Variants in GPR157 observed in about 807,000 individuals in gnomAD.
The protein encoded by GPR157 is G-protein coupled receptor 157.
A neutral mutation model predicts 23.5 loss-of-function variants in GPR157; 16 were observed. The ratio of observed to expected loss-of-function variants is 0.68; its 90% CI spans 0.46 to 1.04. The LOEUF (loss-of-function observed/expected upper bound fraction) is 1.04. GPR157 is among the 50% of genes least tolerant of loss of function. The pLI is 0.00. For synonymous variants in GPR157, 200 were observed against 221.5 expected, an observed-to-expected ratio of 0.90 and a Z score of 0.86; for missense variants, 440 against 460.7, an observed-to-expected ratio of 0.96 and a Z score of 0.41.
chr1:9,117,745 G>C (rs1217021940), intron 1 of GPR157, among the ~76,000 whole-genome samples: 1 of 152,118 alleles, frequency 6.6e-6, no homozygotes, highest in African/African-American at 2.4e-5. Flanking sequence ...CTGGGCGACA[G>C]AGTGGGACTC....
intron 1 of GPR157, among the ~76,000 whole-genome samples, chr1:9,123,246 T>A (rs372274670): frequency 1.6e-4 from 2 of 12,634 alleles, no homozygotes; most frequent in Non-Finnish European, 2.5e-4. Flanking sequence ...ATATATTAAT[T>A]TAAATATATA....
rs1259726872 is a variant in GPR157, at chr1:9,104,393, T to C, written c.*26A>G. ...CCTACCCCCAGGAAGGCAGCACCTA[T>C]GCACAGAACTAGAAAGGACAAAAGC... On this transcript the variant is annotated 3_prime_UTR_variant, in exon 4 of 4. Transcript: ENST00000377411. The C allele has an allele frequency of 3.2e-6, 5 of 1,581,442 alleles. No homozygotes were observed. The African/African-American group carries it at 6.7e-5, about 21-fold the overall frequency.
intron 1 of GPR157, among the ~76,000 whole-genome samples, chr1:9,112,193 CA>C (rs905614196): frequency 6.6e-6 from 1 of 152,184 alleles, no homozygotes; most frequent in Non-Finnish European, 1.5e-5. Context: ...GCAAATGTGC[CA>C]CAAACAATCA....
In GPR157 at chr1:9,104,193, G is replaced by GC. The variant is rs1642604903; in HGVS notation, c.*225dup. 3 of 553,928 alleles carry GC rather than the reference G, an allele frequency of 5.4e-6. No homozygotes were observed. The highest frequency in any genetic ancestry group is 9.7e-6 in the Non-Finnish European group (3 of 307,872). The allele number at this position is 553,928 out of a possible 1,614,324, so 34.3% of individuals were successfully genotyped here. A position where few individuals can be genotyped will look rare whatever the true frequency, so the allele number is the denominator to read the frequency against. ...CACTGCTACCCTTATGCAGATGAACGCCCACCCGTGGGCCAGGACGCTGGT... is the reference window on the plus strand; with the variant it reads ...CACTGCTACCCTTATGCAGATGAACGCCCCACCCGTGGGCCAGGACGCTGGT... On this transcript the variant is annotated 3_prime_UTR_variant, in exon 4 of 4. Transcript: ENST00000377411.
At position 9,128,663 on chromosome 1, in the gene GPR157, C is replaced by T. The variant is rs760398631; in HGVS notation, c.365G>A (p.Trp122Ter). The T allele has an allele frequency of 6.2e-7, 1 of 1,612,922 alleles. No individual in the cohort carries two copies. ...ARGPRTDRLL[W>*]AFHVVSWGVP... is the part of the protein sequence containing the mutation. Reference sequence around the variant, plus strand: ...CACCCACCTGACGACATGGAAGGCCCAAAGCAGGCGATCTGTGCGAGGCCC... The same window carrying T: ...CACCCACCTGACGACATGGAAGGCCTAAAGCAGGCGATCTGTGCGAGGCCC... The change falls in exon 1 of 4, where the codon TGG (tryptophan) becomes TAG (stop). Residue 122 changes from tryptophan (W) to a stop codon, truncating the protein, a stop_gained. Transcript: ENST00000377411. LOFTEE classifies it high-confidence loss of function. The surrounding 1 kb of genome is among the most constrained non-coding windows in gnomAD (Gnocchi z 6.3).
intron 1 of GPR157, among the ~76,000 whole-genome samples, chr1:9,117,170 T>C (rs953625596): frequency 1.3e-5 from 2 of 152,180 alleles, no homozygotes; most frequent in African/African-American, 4.8e-5. Flanking sequence ...TAGTTTTTAA[T>C]ACTGGTCGTA....
chr1:9,105,727 C>T lies in GPR157; in HGVS notation c.598-47G>A, dbSNP rs375793392. 68 of 1,510,464 alleles carry T rather than the reference C, an allele frequency of 4.5e-5. 1 individual carries two copies. Among genetic ancestry groups the T allele is most frequent in the Middle Eastern group, 3.8e-4 (2 of 5,244 alleles). The allele number at this position is 1,510,464 out of a possible 1,614,324, so 93.6% of individuals were successfully genotyped here. On this transcript the variant is annotated intron_variant, in intron 2 of 3. Coordinates refer to ENST00000377411, the MANE Select transcript of GPR157 (RefSeq NM_024980.5). This position sits in a 1 kb window ranked among gnomAD's most constrained non-coding sequence, Gnocchi z 4.8. ...AGACTTGAGTGGATAGGCACCCTCC[C>T]GCCACGTCCACCCAGGCTGCCCAGG... is the stretch of plus-strand genomic sequence containing the variant.
intron 1 of GPR157, among the ~76,000 whole-genome samples, chr1:9,113,273 CG>C: frequency 6.6e-6 from 1 of 152,072 alleles, no homozygotes; most frequent in East Asian, 1.9e-4. Context: ...GTGCCTGGAG[CG>C]CAAAGCCTTA....
At chr1:9,117,866 G>A (rs1011774673) in intron 1 of GPR157, among the ~76,000 whole-genome samples, 2 of 152,120 alleles carry the variant, frequency 1.3e-5, no homozygotes, top group Non-Finnish European at 2.9e-5. Flanking sequence ...CTTCATACGG[G>A]AAGCCACCAC....
At chr1:9,104,673 T>G (rs1275651399) in intron 3 of GPR157, 39 bp from the exon 4 acceptor site, 3 of 1,485,256 alleles carry the variant, frequency 2.0e-6, no homozygotes, top group South Asian at 1.2e-5. Context: ...GGGGCTGGAG[T>G]TGGTCTCAGA....
In GPR157 at chr1:9,128,650, G is replaced by T; in HGVS notation, c.378C>A (p.Val126=). The T allele has an allele frequency of 6.2e-7, 1 of 1,612,858 alleles. No homozygotes were observed. The highest frequency in any genetic ancestry group is 1.3e-5 in the African/African-American group (1 of 75,058). The change falls in exon 1 of 4, where the codon GTC becomes GTA. Residue 126 remains valine (V), a synonymous_variant. Coordinates refer to ENST00000377411, the MANE Select transcript of GPR157 (RefSeq NM_024980.5). The surrounding 1 kb of genome is among the most constrained non-coding windows in gnomAD (Gnocchi z 6.3). ...RTDRLLWAFH[V]VSWGVPLVIT... ...GCAGCGCCACCGCCACCCACCTGAC[G>T]ACATGGAAGGCCCAAAGCAGGCGAT...
rs1161728189 is a variant in GPR157 at position 9,104,196 on chromosome 1, C to A, written c.*223G>T. On this transcript the variant is annotated 3_prime_UTR_variant, in exon 4 of 4. Transcript: ENST00000377411. ...TGCTACCCTTATGCAGATGAACGCC[C>A]ACCCGTGGGCCAGGACGCTGGTACC... 1.8e-6 allele frequency: 1 copy of A among 560,418 alleles called. No homozygotes were observed. Among genetic ancestry groups the A allele is most frequent in the Admixed American group, 3.0e-5 (1 of 32,838 alleles). 34.7% of individuals were successfully genotyped at this position (560,418 alleles called of 1,614,324 possible). A position where few individuals can be genotyped will look rare whatever the true frequency, so the allele number is the denominator to read the frequency against.
rs67129142 is a variant in GPR157 at position 9,102,410 on chromosome 1, C to CAAAAAAAA, written c.*2001_*2008dup. ...TGGGCAATAGAGTGAGACTCCATCTCAAAAAAAAAAAAAAAAAAAAAGAAA... is the reference window on the plus strand; with the variant it reads ...TGGGCAATAGAGTGAGACTCCATCTCAAAAAAAAAAAAAAAAAAAAAAAAAAAAAGAAA... On this transcript the variant is annotated 3_prime_UTR_variant, in exon 4 of 4. Coordinates refer to ENST00000377411, the MANE Select transcript of GPR157 (RefSeq NM_024980.5). 6.0e-5 allele frequency: 3 copies of CAAAAAAAA among 50,164 alleles called. No homozygotes were observed. The highest frequency in any genetic ancestry group is 1.7e-4 in the African/African-American group (3 of 17,874). 3.1% of individuals were successfully genotyped at this position (50,164 alleles called of 1,614,324 possible).
At chr1:9,106,455 G>A (rs747946628) in intron 2 of GPR157, among the ~76,000 whole-genome samples, 27 of 152,292 alleles carry the variant, frequency 1.8e-4, no homozygotes, top group Admixed American at 3.9e-4. Flanking sequence ...CGGTCGCAGC[G>A]GGGCCAACCC....
At chr1:9,124,465 C>T (rs1638922623) in intron 1 of GPR157, among the ~76,000 whole-genome samples, 1 of 152,190 alleles carries the variant, frequency 6.6e-6, no homozygotes, top group South Asian at 2.1e-4. Context: ...ACCAAGATTC[C>T]TATCCCAGAA....
chr1:9,123,202 T>TTATATA (rs1187768650), intron 1 of GPR157, among the ~76,000 whole-genome samples: 1 of 128,218 alleles, frequency 7.8e-6, no homozygotes, highest in Non-Finnish European at 1.6e-5. Flanking sequence ...TAAATAAAAT[T>TTATATA]TATATATATA....
At position 9,105,980 on chromosome 1, in the gene GPR157, TG is replaced by T. The variant is rs1638311466; in HGVS notation, c.598-301del. ...CTCATGGAAACAACAGCTTTCTCGT[TG>T]CCCAGGCCAAAGCCTTGGGGCTCTG... On this transcript the variant is annotated intron_variant, in intron 2 of 3. Coordinates refer to ENST00000377411, the MANE Select transcript of GPR157 (RefSeq NM_024980.5). The surrounding 1 kb of genome is among the most constrained non-coding windows in gnomAD (Gnocchi z 4.8). Among the ~76,000 whole-genome samples, 1 of 152,182 alleles carries T rather than the reference TG, an allele frequency of 6.6e-6. No individual in the cohort carries two copies. Among genetic ancestry groups the T allele is most frequent in the African/African-American group, 2.4e-5 (1 of 41,434 alleles).
intron 1 of GPR157, among the ~76,000 whole-genome samples, chr1:9,117,187 A>G (rs750890393): frequency 6.6e-6 from 1 of 152,182 alleles, no homozygotes; most frequent in Non-Finnish European, 1.5e-5. Flanking sequence ...CGTATCTAAC[A>G]ATCAGCTCAC....
chr1:9,112,000 A>C (rs1014409903), intron 1 of GPR157, among the ~76,000 whole-genome samples: 2 of 152,148 alleles, frequency 1.3e-5, no homozygotes, highest in Admixed American at 1.3e-4. Context: ...TTTTGTATAC[A>C]TGTGTGTACA....
Sources: gnomAD v4.1 joint callset for allele counts (sites outside exome capture counted in the v4.1 genomes callset) on GRCh38, gnomAD v4.1.1 for gene constraint, Gnocchi (gnomAD v3.1) non-coding constraint, MANE v1.5 for transcripts, NCBI Gene and HGNC (gene_info 2026-07-23, HGNC 2026-07-21) for gene names.